Variants in FAF1 observed in about 807,000 individuals in gnomAD.
FAF1 encodes the protein FAS-associated factor 1.
FAF1 carries 25 observed loss-of-function variants against 92.5 expected under a neutral mutation model. The observed-to-expected ratio is 0.27, with a 90% CI of 0.20 to 0.38. The LOEUF (loss-of-function observed/expected upper bound fraction) is 0.38. Among genes scored for constraint, FAF1 ranks in the 10% least tolerant of loss-of-function variants. FAF1 has a pLI of 1.00. For missense variants in FAF1, 636 were observed against 793.3 expected (o/e 0.80, Z 2.38); for synonymous variants, 234 against 273.2 (o/e 0.86, Z 1.42).
At chr1:50,644,025 T>C (rs1654465513) in intron 8 of FAF1, among the ~76,000 whole-genome samples, 1 of 152,226 alleles carries the variant, frequency 6.6e-6, no homozygotes, top group Non-Finnish European at 1.5e-5. Context: ...CCAATTTCAT[T>C]ATCTAAGTAA....
intron 8 of FAF1, among the ~76,000 whole-genome samples, chr1:50,646,684 T>C (rs1470606430): frequency 6.6e-6 from 1 of 152,186 alleles, no homozygotes; most frequent in Non-Finnish European, 1.5e-5. Context: ...TATGATCCCA[T>C]TGCATTTATA....
chr1:50,479,513 T>A (rs973896640), intron 17 of FAF1, among the ~76,000 whole-genome samples: 1 of 152,236 alleles, frequency 6.6e-6, no homozygotes, highest in South Asian at 2.1e-4. Flanking sequence ...CAGCTGTTGG[T>A]GTTATCATTT....
intron 8 of FAF1, among the ~76,000 whole-genome samples, chr1:50,626,746 T>G (rs546362954): frequency 6.6e-6 from 1 of 151,952 alleles, no homozygotes; most frequent in South Asian, 2.1e-4. Context: ...GTACGGAGAG[T>G]TGATTGAGGG....
chr1:50,506,566 T>C (rs1195440902), intron 15 of FAF1, among the ~76,000 whole-genome samples: 1 of 152,192 alleles, frequency 6.6e-6, no homozygotes, highest in Non-Finnish European at 1.5e-5. Context: ...CTGTACTATA[T>C]TCACACTGTA....
chr1:50,724,237 C>CAA (rs79635813), intron 6 of FAF1, among the ~76,000 whole-genome samples: 1,275 of 88,840 alleles, frequency 0.014, 11 homozygotes, highest in Non-Finnish European at 0.021. Context: ...GACTGTCTTT[C>CAA]AAAAAAAAAA....
intron 1 of FAF1, among the ~76,000 whole-genome samples, chr1:50,917,956 G>A (rs956194649): frequency 1.1e-4 from 17 of 152,182 alleles, no homozygotes; most frequent in African/African-American, 3.1e-4. Flanking sequence ...ACAGGCAAAC[G>A]TAATCTACAA....
chr1:50,585,239 C>T (rs1651169392), intron 9 of FAF1, among the ~76,000 whole-genome samples: 1 of 152,204 alleles, frequency 6.6e-6, no homozygotes, highest in South Asian at 2.1e-4. Context: ...CACTTCCTTA[C>T]TGCAGTGGTT....
At chr1:50,879,102 C>T (rs1207649309) in intron 1 of FAF1, among the ~76,000 whole-genome samples, 2 of 152,044 alleles carry the variant, frequency 1.3e-5, no homozygotes, top group Non-Finnish European at 2.9e-5. Context: ...AAAACTTAGC[C>T]GGGTGTATGG....
At chr1:50,688,089 C>A (rs746506151) in intron 7 of FAF1, among the ~76,000 whole-genome samples, 3 of 150,978 alleles carry the variant, frequency 2.0e-5, no homozygotes, top group African/African-American at 4.9e-5. Context: ...GAGCCGAGAT[C>A]GCACCCACTG....
At chr1:50,798,306 G>A (rs1013328981) in intron 3 of FAF1, among the ~76,000 whole-genome samples, 1 of 152,088 alleles carries the variant, frequency 6.6e-6, no homozygotes, top group Admixed American at 6.6e-5. Context: ...TGAACAAATT[G>A]TACACCTGTC....
At chr1:50,614,159 C>T (rs1165649545) in intron 8 of FAF1, among the ~76,000 whole-genome samples, 1 of 151,090 alleles carries the variant, frequency 6.6e-6, no homozygotes. Flanking sequence ...ACCCTCAGAT[C>T]CAAAACTCTT....
At chr1:50,933,407 A>G (rs1645063455) in intron 1 of FAF1, among the ~76,000 whole-genome samples, 1 of 152,216 alleles carries the variant, frequency 6.6e-6, no homozygotes, top group African/African-American at 2.4e-5. Flanking sequence ...GCACAATGCC[A>G]CCAGTCTCTT....
intron 12 of FAF1, among the ~76,000 whole-genome samples, chr1:50,574,530 C>A (rs1345084675): frequency 6.6e-6 from 1 of 152,096 alleles, no homozygotes; most frequent in African/African-American, 2.4e-5. Flanking sequence ...AACACTACTC[C>A]TAGTCAGCAA....
chr1:50,610,509 G>A (rs2124134398), intron 8 of FAF1, among the ~76,000 whole-genome samples: 1 of 152,240 alleles, frequency 6.6e-6, no homozygotes, highest in South Asian at 2.1e-4. Flanking sequence ...TGTTGTTATT[G>A]TTTAATTAGG....
intron 18 of FAF1, among the ~76,000 whole-genome samples, chr1:50,448,977 T>A (rs2148978038): frequency 6.6e-6 from 1 of 150,916 alleles, no homozygotes; most frequent in Middle Eastern, 3.4e-3. Flanking sequence ...TGGTCTTGAT[T>A]AAAAGATGGG....
At chr1:50,685,854 T>C (rs1034292353) in intron 7 of FAF1, among the ~76,000 whole-genome samples, 1 of 152,200 alleles carries the variant, frequency 6.6e-6, no homozygotes, top group Non-Finnish European at 1.5e-5. Context: ...ACTAGCAGAT[T>C]TTCCCCAGAA....
intron 6 of FAF1, among the ~76,000 whole-genome samples, chr1:50,711,023 C>G (rs1657903528): frequency 6.6e-6 from 1 of 151,664 alleles, no homozygotes; most frequent in Admixed American, 6.6e-5. Flanking sequence ...AGTTCTCCTG[C>G]GTGAGCCTCC....
chr1:50,443,968 G>T (rs1230298234), intron 18 of FAF1, among the ~76,000 whole-genome samples: 2 of 152,150 alleles, frequency 1.3e-5, no homozygotes, highest in African/African-American at 4.8e-5. Flanking sequence ...CAGCCTCAGT[G>T]AGGCTGTGTC....
At chr1:50,887,797 C>A (rs549340728) in intron 1 of FAF1, among the ~76,000 whole-genome samples, 1 of 152,158 alleles carries the variant, frequency 6.6e-6, no homozygotes, top group South Asian at 2.1e-4. Flanking sequence ...AGTATAGTTT[C>A]AAGTCAGGTA....
Sources: gnomAD v4.1 joint callset for allele counts (sites outside exome capture counted in the v4.1 genomes callset) on GRCh38, gnomAD v4.1.1 for gene constraint, MANE v1.5 for transcripts, NCBI Gene and HGNC (gene_info 2026-07-23, HGNC 2026-07-21) for gene names.